CCSER1: variants seen among roughly 807,000 people sequenced by gnomAD.
CCSER1 encodes coiled-coil serine rich protein 1.
Under a neutral mutation model 82.0 loss-of-function variants are expected in CCSER1, and 41 were observed. The observed-to-expected ratio is 0.50, with a 90% CI of 0.39 to 0.65. The LOEUF (loss-of-function observed/expected upper bound fraction) is 0.65, where lower values mean the gene tolerates loss of function less well. CCSER1 is among the 30% of genes least tolerant of loss of function. CCSER1 has a pLI of 0.00. For missense variants in CCSER1, 1,119 were observed against 1,064.2 expected, an observed-to-expected ratio of 1.05 and a Z score of -0.72; for synonymous variants, 414 against 383.9, an observed-to-expected ratio of 1.08 and a Z score of -0.92.
intron 6 of CCSER1, chr4:90,642,448 G>C (rs1272132933): frequency 6.6e-6 from 1 of 152,086 alleles, no homozygotes; most frequent in East Asian, 1.9e-4. Context: ...TTTTAACCTT[G>C]ATAAAATTGA....
chr4:90,179,087 G>A (rs760800755), intron 1 of CCSER1, among the ~76,000 whole-genome samples: 4 of 152,146 alleles, frequency 2.6e-5, no homozygotes, highest in Admixed American at 6.6e-5. Context: ...AGTGATTCTA[G>A]TTAGTTTTAT....
At chr4:90,491,294 T>C (rs943249954) in intron 5 of CCSER1, among the ~76,000 whole-genome samples, 1 of 152,076 alleles carries the variant, frequency 6.6e-6, no homozygotes, top group South Asian at 2.1e-4. Context: ...TGAATGGGAG[T>C]TCACTCATGA....
At chr4:90,841,015 G>A (rs1341937559) in intron 8 of CCSER1, among the ~76,000 whole-genome samples, 1 of 152,106 alleles carries the variant, frequency 6.6e-6, no homozygotes, top group Non-Finnish European at 1.5e-5. Context: ...GACATGTCCT[G>A]ATTGAGATTT....
At chr4:90,330,805 A>G (rs1739144286) in intron 3 of CCSER1, among the ~76,000 whole-genome samples, 1 of 152,178 alleles carries the variant, frequency 6.6e-6, no homozygotes, top group Admixed American at 6.5e-5. Context: ...TCTGTTAACT[A>G]AAGAAGTTCA....
chr4:91,468,300 C>T (rs1013029060), intron 10 of CCSER1, among the ~76,000 whole-genome samples: 1 of 152,006 alleles, frequency 6.6e-6, no homozygotes, highest in African/African-American at 2.4e-5. Context: ...GGGAATTGAA[C>T]AATGAGAACA....
At chr4:90,482,332 T>A (rs1766150704) in intron 5 of CCSER1, among the ~76,000 whole-genome samples, 1 of 152,196 alleles carries the variant, frequency 6.6e-6, no homozygotes, top group Non-Finnish European at 1.5e-5. Context: ...GCTCCTGGAT[T>A]CATTGATTTT....
rs190584056 is a variant in CCSER1, at chr4:90,328,417, G to A, written c.1509+15370G>A. 1.1e-4 allele frequency among the ~76,000 whole-genome samples: 17 copies of A among 152,048 alleles called. 1 individual carries two copies. The East Asian group carries it at 2.5e-3, about 23-fold the overall frequency. ...TTCAGCCTGCTTTTAAAATAGTCAA[G>A]TAATTCTTAATATCCCCTTCTGTGT... On this transcript the variant is annotated intron_variant, in intron 3 of 10. Transcript: ENST00000509176.
At chr4:90,521,081 A>G (rs914639922) in intron 5 of CCSER1, among the ~76,000 whole-genome samples, 4 of 152,144 alleles carry the variant, frequency 2.6e-5, no homozygotes, top group African/African-American at 9.7e-5. Flanking sequence ...TTCTTTTTTT[A>G]TTAAATTGAG....
chr4:90,914,027 T>G (rs186444952), intron 8 of CCSER1, among the ~76,000 whole-genome samples: 1 of 152,204 alleles, frequency 6.6e-6, no homozygotes, highest in East Asian at 1.9e-4. Context: ...AGACTTAGAC[T>G]CCCACACAAT....
At chr4:91,199,426 T>C (rs1488869830) in intron 10 of CCSER1, among the ~76,000 whole-genome samples, 1 of 152,166 alleles carries the variant, frequency 6.6e-6, no homozygotes, top group Non-Finnish European at 1.5e-5. Context: ...TAGTTTCTAA[T>C]TTCAAGAAAG....
At chr4:90,719,312 C>T (rs1330432552) in intron 6 of CCSER1, among the ~76,000 whole-genome samples, 1 of 152,096 alleles carries the variant, frequency 6.6e-6, no homozygotes, top group East Asian at 1.9e-4. Context: ...CCATCCCTCC[C>T]AAGATGGGAC....
At chr4:90,665,078 C>G (rs756021691) in intron 6 of CCSER1, among the ~76,000 whole-genome samples, 13 of 151,666 alleles carry the variant, frequency 8.6e-5, no homozygotes, top group Non-Finnish European at 1.9e-4. Flanking sequence ...TTACTTTTGG[C>G]TTTCTATTAC....
At chr4:90,356,510 AGC>A (rs900808426) in intron 3 of CCSER1, among the ~76,000 whole-genome samples, 1 of 151,726 alleles carries the variant, frequency 6.6e-6, no homozygotes, top group Non-Finnish European at 1.5e-5. Flanking sequence ...AACATTTATT[AGC>A]TATTTGACAT....
At chr4:91,122,358 A>G (rs1370155936) in intron 10 of CCSER1, among the ~76,000 whole-genome samples, 1 of 151,790 alleles carries the variant, frequency 6.6e-6, no homozygotes, top group Non-Finnish European at 1.5e-5. Flanking sequence ...TTAATAGTCA[A>G]TAATTCTTTG....
intron 8 of CCSER1, chr4:90,839,093 G>A (rs528019572): frequency 5.1e-6 from 7 of 1,372,226 alleles, no homozygotes; most frequent in South Asian, 2.3e-5. Flanking sequence ...TCTGGTCTGC[G>A]CAGTGGCCAC....
intron 10 of CCSER1, among the ~76,000 whole-genome samples, chr4:91,164,820 T>C (rs1731854089): frequency 6.6e-6 from 1 of 152,176 alleles, no homozygotes; most frequent in African/African-American, 2.4e-5. Context: ...TCATTCTAGT[T>C]AGCCATTCGT....
intron 10 of CCSER1, among the ~76,000 whole-genome samples, chr4:91,230,024 C>T (rs1738501134): frequency 6.6e-6 from 1 of 152,178 alleles, no homozygotes; most frequent in South Asian, 2.1e-4. Context: ...TTTTGTACCC[C>T]ACCAAATATT....
intron 5 of CCSER1, among the ~76,000 whole-genome samples, chr4:90,480,494 G>A (rs1765774311): frequency 6.6e-6 from 1 of 152,014 alleles, no homozygotes; most frequent in Admixed American, 6.6e-5. Flanking sequence ...TTTCTTCTAG[G>A]GTTTTTATGG....
chr4:90,593,713 A>T (rs1232505800), intron 5 of CCSER1, among the ~76,000 whole-genome samples: 1 of 151,908 alleles, frequency 6.6e-6, no homozygotes. Flanking sequence ...TGTTATATTC[A>T]TATTGCCTTC....
Sources: allele counts gnomAD v4.1 joint callset (sites outside exome capture counted in the v4.1 genomes callset), GRCh38; gene constraint gnomAD v4.1.1; transcripts MANE v1.5; gene names NCBI Gene and HGNC (gene_info 2026-07-23, HGNC 2026-07-21).